PDE9A: variants seen among roughly 807,000 people sequenced by gnomAD.
The protein encoded by PDE9A is high affinity cGMP-specific 3',5'-cyclic phosphodiesterase 9A.
In PDE9A, 60 loss-of-function variants were observed where a neutral mutation model predicts 87.4. That is an observed-to-expected ratio of 0.69 (90% CI 0.56 to 0.85). PDE9A has a LOEUF of 0.85. PDE9A is among the 40% of genes least tolerant of loss of function. PDE9A has a pLI of 0.00. For missense variants in PDE9A, 665 were observed against 779.0 expected (o/e 0.85, Z 1.74); for synonymous variants, 272 against 279.4 (o/e 0.97, Z 0.27).
rs2052860737 is a variant in PDE9A, at chr21:42,739,415, A to G, written c.569-4361A>G. On this transcript the variant is annotated intron_variant, in intron 7 of 19. Transcript: ENST00000291539. This position sits in a 1 kb window ranked among gnomAD's most constrained non-coding sequence, Gnocchi z 4.1. ...GCCGGGTGTCCTGGAAAGGCCAGGG[A>G]GTGAGGAGGCAGGACCCCCGGGGAC... 6.6e-6 allele frequency among the ~76,000 whole-genome samples: 1 copy of G among 152,138 alleles called. No homozygotes were observed. The highest frequency in any genetic ancestry group is 1.5e-5 in the Non-Finnish European group (1 of 68,004).
rs752211785 is a variant in PDE9A, at chr21:42,660,535, G to C, written c.69+6652G>C. Among the ~76,000 whole-genome samples, 6 of 151,776 alleles carry C rather than the reference G, an allele frequency of 4.0e-5. No homozygotes were observed. Among genetic ancestry groups the C allele is most frequent in the Non-Finnish European group, 7.4e-5 (5 of 67,994 alleles). ...GCTCTGGGTACCGTGTACACCGCTC[G>C]GGTGACAGTGCACCAGAATCTCAGA... On this transcript the variant is annotated intron_variant, in intron 1 of 19. Transcript: ENST00000291539. This position sits in a 1 kb window ranked among gnomAD's most constrained non-coding sequence, Gnocchi z 4.7.
At chr21:42,671,907 G>A (rs1206703665) in intron 1 of PDE9A, among the ~76,000 whole-genome samples, 1 of 152,176 alleles carries the variant, frequency 6.6e-6, no homozygotes, top group Non-Finnish European at 1.5e-5. Context: ...GGTCCTGCAG[G>A]CTGATTTGGT....
Position 42,732,389 on chromosome 21 carries a change from T to C in PDE9A, c.497+265T>C, listed in dbSNP as rs562674872. Reference sequence around the variant, plus strand: ...TGAGCTCGTGAGGTCGAGAATGTTCTCCACCGGCTCTTCTGGGATGGGAGA... The same window carrying C: ...TGAGCTCGTGAGGTCGAGAATGTTCCCCACCGGCTCTTCTGGGATGGGAGA... On this transcript the variant is annotated intron_variant, in intron 6 of 19. Transcript: ENST00000291539. Among the ~76,000 whole-genome samples, 3 of 152,366 alleles carry C rather than the reference T, an allele frequency of 2.0e-5. No homozygotes were observed. The South Asian group carries it at 6.2e-4, about 32-fold the overall frequency.
At chr21:42,750,786 C>T (rs976709127) in intron 8 of PDE9A, among the ~76,000 whole-genome samples, 2 of 151,838 alleles carry the variant, frequency 1.3e-5, no homozygotes, top group African/African-American at 4.8e-5. Context: ...GAGGTTTCAC[C>T]ATGTTGGCCA....
intron 4 of PDE9A, chr21:42,701,144 A>G (rs1349876670): frequency 6.6e-6 from 1 of 152,150 alleles, no homozygotes; most frequent in Non-Finnish European, 1.5e-5. Context: ...TTTCTCAATA[A>G]TGTGTTACCA....
At position 42,664,743 on chromosome 21, in the gene PDE9A, C is replaced by T. The variant is rs1254949619; in HGVS notation, c.69+10860C>T. ...CTTCTGTAGCTCCCCCCATCACCAA[C>T]TTCACTCACCACTCTTATCTGATGC... On this transcript the variant is annotated intron_variant, in intron 1 of 19. Transcript: ENST00000291539. Among the ~76,000 whole-genome samples the T allele has an allele frequency of 2.0e-5, 3 of 152,250 alleles. No homozygotes were observed. The South Asian group carries it at 6.2e-4, about 31-fold the overall frequency.
chr21:42,684,612 A>G (rs1037238104), intron 1 of PDE9A, among the ~76,000 whole-genome samples: 4 of 152,188 alleles, frequency 2.6e-5, no homozygotes, highest in Non-Finnish European at 5.9e-5. Context: ...CAGAGGAGGG[A>G]GCTCTGGGAG....
intron 18 of PDE9A, among the ~76,000 whole-genome samples, 198 bp downstream of exon 18, chr21:42,770,996 G>A (rs1016240085): frequency 1.3e-5 from 2 of 152,252 alleles, no homozygotes; most frequent in African/African-American, 4.8e-5. Context: ...AACTGCATTC[G>A]CCAAGAACAC....
At chr21:42,718,069 C>T (rs1375860773) in intron 4 of PDE9A, among the ~76,000 whole-genome samples, 1 of 150,684 alleles carries the variant, frequency 6.6e-6, no homozygotes, top group East Asian at 2.0e-4. Flanking sequence ...CCACCACGCC[C>T]AACTAATTTT....
chr21:42,773,396 CTT>C (rs749830028), intron 19 of PDE9A, among the ~76,000 whole-genome samples: 1 of 151,924 alleles, frequency 6.6e-6, no homozygotes, highest in Non-Finnish European at 1.5e-5. Context: ...GTACTGAAAA[CTT>C]TTCACAAATC....
At chr21:42,697,466 TA>T in intron 3 of PDE9A, 1 of 1,610,212 alleles carries the variant, frequency 6.2e-7, no homozygotes, top group Non-Finnish European at 8.5e-7. Context: ...TTTTACCTAG[TA>T]AGGAGTCATG....
chr21:42,655,791 G>A (rs1050899923), intron 1 of PDE9A, among the ~76,000 whole-genome samples: 1 of 152,182 alleles, frequency 6.6e-6, no homozygotes, highest in Non-Finnish European at 1.5e-5. Flanking sequence ...CAAACAGGGA[G>A]GCGCCAGACG....
At chr21:42,754,454 G>A (rs939636442) in intron 10 of PDE9A, among the ~76,000 whole-genome samples, 6 of 152,232 alleles carry the variant, frequency 3.9e-5, no homozygotes, top group South Asian at 4.1e-4. Context: ...AGGGGCTGCG[G>A]TCAGAGTGCT....
rs752211785 is a variant in PDE9A at position 42,660,535 on chromosome 21, G to A, written c.69+6652G>A. Among the ~76,000 whole-genome samples, 2 of 151,776 alleles carry A rather than the reference G, an allele frequency of 1.3e-5. No homozygotes were observed. Among genetic ancestry groups the A allele is most frequent in the Non-Finnish European group, 2.9e-5 (2 of 67,994 alleles). On this transcript the variant is annotated intron_variant, in intron 1 of 19. Transcript: ENST00000291539. The surrounding 1 kb of genome is among the most constrained non-coding windows in gnomAD (Gnocchi z 4.7). ...GCTCTGGGTACCGTGTACACCGCTC[G>A]GGTGACAGTGCACCAGAATCTCAGA...
chr21:42,761,268 A>G (rs1008932617), intron 13 of PDE9A, among the ~76,000 whole-genome samples: 1 of 152,226 alleles, frequency 6.6e-6, no homozygotes, highest in African/African-American at 2.4e-5. Flanking sequence ...CCCCCCTCTC[A>G]GGAGCTCGCC....
At position 42,760,508 on chromosome 21, in the gene PDE9A, C is replaced by A. The variant is rs914246042; in HGVS notation, c.1002+76C>A. The stretch of plus-strand genomic sequence containing the variant: ...GAGGCCCCCTTCCAGGGAGCGGCAG[C>A]CCCATCCCACCAAGAGAGCCACAGG... On this transcript the variant is annotated intron_variant, in intron 12 of 19. Transcript: ENST00000291539. This position sits in a 1 kb window ranked among gnomAD's most constrained non-coding sequence, Gnocchi z 5.2. 2.2e-6 allele frequency: 2 copies of A among 889,478 alleles called. No individual in the cohort carries two copies. Among genetic ancestry groups the A allele is most frequent in the East Asian group, 2.6e-5 (1 of 38,254 alleles). The allele number at this position is 889,478 out of a possible 1,614,324, so 55.1% of individuals were successfully genotyped here.
chr21:42,674,521 G>C (rs962322026), intron 1 of PDE9A, among the ~76,000 whole-genome samples: 1 of 152,024 alleles, frequency 6.6e-6, no homozygotes. Context: ...TCCAGCCCCT[G>C]GCCTTTGTAA....
At chr21:42,701,844 A>C (rs1237642256) in intron 4 of PDE9A, among the ~76,000 whole-genome samples, 2 of 152,190 alleles carry the variant, frequency 1.3e-5, no homozygotes, top group Admixed American at 6.5e-5. Flanking sequence ...TACAGCTTCT[A>C]ATGAGAAGTC....
chr21:42,733,547 T>C (rs931162910), intron 7 of PDE9A, 121 bp downstream of exon 7: 17 of 657,776 alleles, frequency 2.6e-5, no homozygotes, highest in Non-Finnish European at 4.5e-5. Flanking sequence ...CTTTTCTTTG[T>C]GAAATACTTG....
Sources: gnomAD v4.1 joint callset for allele counts (sites outside exome capture counted in the v4.1 genomes callset) on GRCh38, gnomAD v4.1.1 for gene constraint, Gnocchi (gnomAD v3.1) non-coding constraint, MANE v1.5 for transcripts, NCBI Gene and HGNC (gene_info 2026-07-23, HGNC 2026-07-21) for gene names.